Variants in MED19 observed in about 807,000 individuals in gnomAD.
MED19 encodes mediator complex subunit 19.
A neutral mutation model predicts 19.9 loss-of-function variants in MED19; 4 were observed. The observed-to-expected ratio is 0.20, with a 90% CI of 0.10 to 0.46. The LOEUF (loss-of-function observed/expected upper bound fraction) is 0.46, where lower values mean the gene tolerates loss of function less well. Among genes scored for constraint, MED19 ranks in the 20% least tolerant of loss-of-function variants. MED19 has a pLI of 0.99. For missense variants in MED19, 303 were observed against 318.7 expected, an observed-to-expected ratio of 0.95 and a Z score of 0.38; for synonymous variants, 139 against 119.6, an observed-to-expected ratio of 1.16 and a Z score of -1.06.
At chr11:57,710,152 A>G (rs1946548440) in intron 1 of MED19, among the ~76,000 whole-genome samples, 1 of 152,250 alleles carries the variant, frequency 6.6e-6, no homozygotes, top group Non-Finnish European at 1.5e-5. Flanking sequence ...GCTGTTGGCC[A>G]GGAGTTCAAG....
At chr11:57,703,744 G>T (rs1235124263) in exon 5 of MED19, 2 of 313,622 alleles carry the variant, frequency 6.4e-6, no homozygotes, top group East Asian at 5.4e-5. Context: ...TTTTTTTAAA[G>T]AAAACACAGA....
In MED19 at chr11:57,711,859, C is replaced by A. The variant is rs1946624764; in HGVS notation, c.217+104G>T. The A allele has an allele frequency of 4.0e-6, 5 of 1,263,500 alleles. No homozygotes were observed. The South Asian group carries it at 7.7e-5, about 19-fold the overall frequency. 78.3% of individuals were successfully genotyped at this position (1,263,500 alleles called of 1,614,324 possible). A position where few individuals can be genotyped will look rare whatever the true frequency, so the allele number is the denominator to read the frequency against. On this transcript the variant is annotated intron_variant, in intron 1 of 4. Transcript: ENST00000431606. ...CTTAGGGCTCCACAGTCCGGGTATG[C>A]GTTGCCTAGGTTACCTCGCACCTCC...
rs1184540905 is a variant in MED19, at chr11:57,712,076, G to A, written c.104C>T (p.Pro35Leu). 6 of 1,529,268 alleles carry A rather than the reference G, an allele frequency of 3.9e-6. No homozygotes were observed. In the East Asian group the frequency reaches 7.5e-5, roughly 19 times the overall value. The allele number at this position is 1,529,268 out of a possible 1,614,324, so 94.7% of individuals were successfully genotyped here. A position where few individuals can be genotyped will look rare whatever the true frequency, so the allele number is the denominator to read the frequency against. The change falls in exon 1 of 5, where the codon CCT (proline) becomes CTT (leucine). Residue 35 changes from proline (P) to leucine (L), a missense_variant. This residue lies in a region of MED19 where 274 missense variants were observed against 259.2 expected (regional missense o/e 1.06). Transcript: ENST00000431606. The stretch of plus-strand genomic sequence containing the variant: ...GGCCGTGCCGGGTCCCCCGCCCGCA[G>A]GAGGCGGTGGCGGGGGTGGAGGCTT...
chr11:57,710,632 T>C (rs1379338806), intron 1 of MED19, among the ~76,000 whole-genome samples: 1 of 152,190 alleles, frequency 6.6e-6, no homozygotes, highest in Admixed American at 6.5e-5. Context: ...GCTTACATTT[T>C]AGTTCAAATG....
chr11:57,712,050 GGGCCGTGCCGGGTCCCCCGCCCGCAGGA>G lies in MED19; in HGVS notation c.102_129del (p.Pro35ArgfsTer25), dbSNP rs1214133504. The stretch of plus-strand genomic sequence containing the variant: ...GGAGCCGTGGCCGCGGTGGGAGGCG[GGGCCGTGCCGGGTCCCCCGCCCGCAGGA>G]GGCGGTGGCGGGGGTGGAGGCTTTC... On this transcript the variant is annotated frameshift_variant, in exon 1 of 5. Transcript: ENST00000431606. LOFTEE classifies it high-confidence loss of function. 2 of 1,536,388 alleles carry G rather than the reference GGGCCGTGCCGGGTCCCCCGCCCGCAGGA, an allele frequency of 1.3e-6. No homozygotes were observed. Among genetic ancestry groups the G allele is most frequent in the Non-Finnish European group, 1.8e-6 (2 of 1,139,346 alleles).
At chr11:57,706,210 C>T (rs898702676) in intron 1 of MED19, among the ~76,000 whole-genome samples, 4 of 151,968 alleles carry the variant, frequency 2.6e-5, no homozygotes, top group South Asian at 2.1e-4. Context: ...CAGTGGGGTA[C>T]GATCTTGGCT....
chr11:57,704,787 A>C (rs1460713081), exon 3 of MED19: 2 of 1,611,602 alleles, frequency 1.2e-6, no homozygotes, highest in African/African-American at 2.7e-5. Context: ...GGGAGGCTGA[A>C]TATGCATCAG....
chr11:57,704,604 C>T (rs1280067420), intron 3 of MED19, 115 bp downstream of exon 3: 1 of 1,607,904 alleles, frequency 6.2e-7, no homozygotes, highest in South Asian at 1.1e-5. Flanking sequence ...TTTAGGAGTC[C>T]AGAGCTCCAT....
intron 1 of MED19, among the ~76,000 whole-genome samples, chr11:57,706,941 T>TA (rs1565204206): frequency 1.3e-5 from 2 of 152,112 alleles, no homozygotes; most frequent in African/African-American, 4.8e-5. Flanking sequence ...TTCATGCCTG[T>TA]AATCCCAGCA....
At chr11:57,712,014 C>T in exon 1 of MED19, 1 of 1,532,296 alleles carries the variant, frequency 6.5e-7, no homozygotes, top group Non-Finnish European at 8.8e-7. Context: ...CCTGACTTGT[C>T]CGCGCCAGGA....
At position 57,704,747 on chromosome 11, in the gene MED19, CTG is replaced by C; in HGVS notation, c.541_542del (p.Gln181GlufsTer14). 1 of 1,554,964 alleles carries C rather than the reference CTG, an allele frequency of 6.4e-7. No homozygotes were observed. The highest frequency in any genetic ancestry group is 8.7e-7 in the Non-Finnish European group (1 of 1,150,036). ...GGGGGACAGGATCCTGGGTACGGCTCTGTTTGTGCTTGTGCTTATTCTTCTTC... is the reference window on the plus strand; with the variant it reads ...GGGGGACAGGATCCTGGGTACGGCTCTTTGTGCTTGTGCTTATTCTTCTTC... On this transcript the variant is annotated frameshift_variant, in exon 3 of 5. Coordinates refer to ENST00000431606, the Ensembl canonical transcript of MED19. LOFTEE classifies it high-confidence loss of function.
At chr11:57,706,182 G>A (rs1047958637) in intron 1 of MED19, among the ~76,000 whole-genome samples, 6 of 152,172 alleles carry the variant, frequency 3.9e-5, no homozygotes, top group African/African-American at 1.4e-4. Context: ...GTTTTGCTCT[G>A]TCGCCTAGGC....
rs372605562 is a variant in MED19 at position 57,711,686 on chromosome 11, G to A, written c.217+277C>T. ...ATTTTTTAGAGAGACATAAACCAGT[G>A]TCAGGGACACAGCCTGGACATGGTG... On this transcript the variant is annotated intron_variant, in intron 1 of 4. Transcript: ENST00000431606. Among the ~76,000 whole-genome samples the A allele has an allele frequency of 8.5e-5, 13 of 152,272 alleles. 1 individual carries two copies. The East Asian group carries it at 1.4e-3, about 16-fold the overall frequency.
At chr11:57,709,994 C>A (rs531699752) in intron 1 of MED19, among the ~76,000 whole-genome samples, 6 of 152,326 alleles carry the variant, frequency 3.9e-5, no homozygotes, top group African/African-American at 1.4e-4. Flanking sequence ...TGACTAATTT[C>A]CCCACTTTCT....
chr11:57,708,435 C>T (rs897755072), intron 1 of MED19, among the ~76,000 whole-genome samples: 48 of 152,164 alleles, frequency 3.2e-4, no homozygotes, highest in Non-Finnish European at 1.9e-4. Context: ...AAAAACACCC[C>T]TCACATTATT....
intron 1 of MED19, among the ~76,000 whole-genome samples, chr11:57,710,495 G>A (rs576851848): frequency 3.3e-5 from 5 of 152,252 alleles, no homozygotes; most frequent in African/African-American, 1.2e-4. Context: ...TCACTTCACT[G>A]GAGTCCAACT....
At chr11:57,712,191 C>G (rs989818431) in exon 1 of MED19, 1 of 1,511,008 alleles carries the variant, frequency 6.6e-7, no homozygotes, top group African/African-American at 1.4e-5. Context: ...GTACCCTCCG[C>G]CCCGGCGCTG....
At chr11:57,711,189 T>C (rs999769745) in intron 1 of MED19, among the ~76,000 whole-genome samples, 4 of 152,228 alleles carry the variant, frequency 2.6e-5, no homozygotes, top group Admixed American at 6.5e-5. Flanking sequence ...AATGAAGAGT[T>C]TGGTTCGATT....
rs1181902668 is a variant in MED19 at position 57,704,000 on chromosome 11, C to T, written c.*38G>A. 3 of 1,534,834 alleles carry T rather than the reference C, an allele frequency of 2.0e-6. No individual in the cohort carries two copies. In the Admixed American group the frequency reaches 5.9e-5, roughly 30 times the overall value. ...GCTTTTATCAGCAGGTTCAGTACAG[C>T]AGGAAAAGCCATCCTGGCAAAGAGT... On this transcript the variant is annotated 3_prime_UTR_variant, in exon 5 of 5. Transcript: ENST00000431606.
Sources: allele counts gnomAD v4.1 joint callset (sites outside exome capture counted in the v4.1 genomes callset), GRCh38; gene constraint gnomAD v4.1.1; regional missense constraint gnomAD v4.1.1; transcripts MANE v1.5; gene names NCBI Gene and HGNC (gene_info 2026-07-23, HGNC 2026-07-21).